Variants in ADAMTSL1 observed in about 807,000 individuals in gnomAD.
ADAMTSL1 encodes ADAMTS like 1.
ADAMTSL1 carries 126 observed loss-of-function variants against 201.8 expected under a neutral mutation model. The observed-to-expected ratio is 0.62, with a 90% CI of 0.54 to 0.72. The LOEUF (loss-of-function observed/expected upper bound fraction) is 0.72, where lower values mean the gene tolerates loss of function less well. Ranked by LOEUF, ADAMTSL1 falls within the 30% of genes least tolerant of loss-of-function variation. ADAMTSL1 has a pLI of 0.00. For missense variants in ADAMTSL1, 2,679 were observed against 2,277.8 expected (o/e 1.18, Z -3.59); for synonymous variants, 1,121 against 903.4 (o/e 1.24, Z -4.32).
At chr9:17,970,622 T>G (rs1778177) in intron 1 of ADAMTSL1, among the ~76,000 whole-genome samples, 81,591 of 151,842 alleles carry the variant, frequency 0.54, 23,735 homozygotes, top group East Asian at 0.92. Context: ...AATGACATTT[T>G]CCTTCTTTAT....
At chr9:18,249,858 G>T (rs1273783879) in intron 2 of ADAMTSL1, among the ~76,000 whole-genome samples, 1 of 152,144 alleles carries the variant, frequency 6.6e-6, no homozygotes, top group Non-Finnish European at 1.5e-5. Context: ...TATTGACTAG[G>T]GTGTGATTCA....
chr9:18,516,087 C>CAAAAAAAAAAA (rs11418722), intron 2 of ADAMTSL1, among the ~76,000 whole-genome samples: 2 of 131,112 alleles, frequency 1.5e-5, no homozygotes, highest in African/African-American at 2.8e-5. Flanking sequence ...CCTCAACTAC[C>CAAAAAAAAAAA]AAAAAAAAAA....
intron 3 of ADAMTSL1, among the ~76,000 whole-genome samples, chr9:18,543,321 C>T (rs1453894200): frequency 2.0e-5 from 3 of 150,400 alleles, no homozygotes; most frequent in Non-Finnish European, 4.4e-5. Context: ...GCAAAAAATC[C>T]TAATTTCTCT....
intron 2 of ADAMTSL1, among the ~76,000 whole-genome samples, chr9:18,210,838 G>A (rs1407606772): frequency 6.6e-6 from 1 of 151,638 alleles, no homozygotes; most frequent in African/African-American, 2.4e-5. Flanking sequence ...TTGAGTGCCT[G>A]GCCAGGTATT....
chr9:18,086,248 G>A (rs1823764552), intron 1 of ADAMTSL1, among the ~76,000 whole-genome samples: 1 of 152,174 alleles, frequency 6.6e-6, no homozygotes, highest in African/African-American at 2.4e-5. Flanking sequence ...ACTGAAGGAA[G>A]GACAGACCTC....
chr9:18,639,264 C>G lies in ADAMTSL1; in HGVS notation c.687C>G (p.Thr229=), dbSNP rs1564108666. 1.2e-6 allele frequency: 2 copies of G among 1,612,668 alleles called. No homozygotes were observed. The highest frequency in any genetic ancestry group is 1.7e-6 in the Non-Finnish European group (2 of 1,179,110). ...TGTTTGATCATATAGATCTGGAAAC[C>G]AAAACCCTCCAGGGGACTAAAGGTG... ...LKGPDHLYLE[T]KTLQGTKGEN... Residue 229 remains threonine, a synonymous_variant, in exon 7 of 29, where the codon ACC becomes ACG. Transcript: ENST00000380548.
intron 14 of ADAMTSL1, among the ~76,000 whole-genome samples, chr9:18,711,962 G>C (rs1382655463): frequency 5.9e-4 from 88 of 150,378 alleles, no homozygotes; most frequent in Non-Finnish European, 8.4e-4. Context: ...CAGCCTAACT[G>C]GGAGGCACCC....
At chr9:18,595,914 G>T (rs1036551358) in intron 4 of ADAMTSL1, among the ~76,000 whole-genome samples, 4 of 152,180 alleles carry the variant, frequency 2.6e-5, no homozygotes, top group Non-Finnish European at 5.9e-5. Flanking sequence ...GACCCTCCTA[G>T]GTCATGGGCT....
At chr9:18,528,359 C>A (rs920684175) in intron 2 of ADAMTSL1, among the ~76,000 whole-genome samples, 1 of 152,034 alleles carries the variant, frequency 6.6e-6, no homozygotes, top group Non-Finnish European at 1.5e-5. Context: ...CCACAGCCTC[C>A]CCAGGCCCCA....
At chr9:18,391,925 C>T (rs963571023) in intron 2 of ADAMTSL1, among the ~76,000 whole-genome samples, 7 of 148,362 alleles carry the variant, frequency 4.7e-5, no homozygotes, top group African/African-American at 7.4e-5. Context: ...CCTGGGTTCA[C>T]GCCATTCTCC....
chr9:18,865,919 A>T (rs1398398426), intron 23 of ADAMTSL1, among the ~76,000 whole-genome samples: 1 of 152,092 alleles, frequency 6.6e-6, no homozygotes, highest in Non-Finnish European at 1.5e-5. Context: ...TGCTCCGCAT[A>T]TACGTAGCTG....
intron 2 of ADAMTSL1, among the ~76,000 whole-genome samples, chr9:18,356,394 G>A (rs1377786035): frequency 6.6e-6 from 1 of 152,018 alleles, no homozygotes; most frequent in Non-Finnish European, 1.5e-5. Context: ...TGCTGCCAGT[G>A]GCACAGGCCT....
At chr9:18,644,687 T>G (rs1311104267) in intron 7 of ADAMTSL1, among the ~76,000 whole-genome samples, 4 of 151,992 alleles carry the variant, frequency 2.6e-5, no homozygotes, top group African/African-American at 9.7e-5. Context: ...GATTTCCAAT[T>G]TCATCCATGT....
chr9:18,775,668 AGTTT>A, intron 17 of ADAMTSL1, 71 bp from the exon 18 acceptor site: 1 of 1,531,202 alleles, frequency 6.5e-7, no homozygotes, highest in East Asian at 2.4e-5. Context: ...TATTTTGATG[AGTTT>A]GACAGTCTAT....
chr9:18,713,496 C>A (rs1198409540), intron 14 of ADAMTSL1, among the ~76,000 whole-genome samples: 2 of 152,054 alleles, frequency 1.3e-5, no homozygotes, highest in South Asian at 2.1e-4. Context: ...TCAAAAGAGA[C>A]AAAGAAGGCC....
At chr9:18,106,449 T>C (rs1824766096) in intron 1 of ADAMTSL1, among the ~76,000 whole-genome samples, 3 of 152,056 alleles carry the variant, frequency 2.0e-5, no homozygotes, top group African/African-American at 7.2e-5. Context: ...AGGCCATGGG[T>C]TTTTCAGGAC....
At chr9:18,201,515 CT>C (rs1048781804) in intron 2 of ADAMTSL1, among the ~76,000 whole-genome samples, 5 of 151,958 alleles carry the variant, frequency 3.3e-5, no homozygotes, top group Admixed American at 6.6e-5. Flanking sequence ...TTTTATTTTA[CT>C]TTTTCTGTGC....
At chr9:18,635,194 T>C (rs1222518336) in intron 5 of ADAMTSL1, among the ~76,000 whole-genome samples, 1 of 152,036 alleles carries the variant, frequency 6.6e-6, no homozygotes, top group African/African-American at 2.4e-5. Flanking sequence ...TCATTACAAA[T>C]GGAGTTCTGA....
At chr9:18,270,135 AAG>A (rs1395796516) in intron 2 of ADAMTSL1, among the ~76,000 whole-genome samples, 3 of 152,158 alleles carry the variant, frequency 2.0e-5, no homozygotes, top group Non-Finnish European at 4.4e-5. Flanking sequence ...TGGGAATTCC[AAG>A]GTCAGGGTGC....
Sources: gnomAD v4.1 joint callset for allele counts (sites outside exome capture counted in the v4.1 genomes callset) on GRCh38, gnomAD v4.1.1 for gene constraint, MANE v1.5 for transcripts, NCBI Gene and HGNC (gene_info 2026-07-23, HGNC 2026-07-21) for gene names.